MYH3: variants seen among roughly 807,000 people sequenced by gnomAD.
The protein encoded by MYH3 is myosin-3.
In MYH3, 130 loss-of-function variants were observed where a neutral mutation model predicts 238.0. The observed-to-expected ratio is 0.55, with a 90% CI of 0.47 to 0.63. The LOEUF (loss-of-function observed/expected upper bound fraction) is 0.63. MYH3 is among the 30% of genes least tolerant of loss of function. MYH3 has a pLI of 0.00. For missense variants in MYH3, 1,853 were observed against 2,374.9 expected (o/e 0.78, Z 4.57); for synonymous variants, 880 against 924.1 (o/e 0.95, Z 0.86).
chr17:10,628,908 C>G (rs924468110), intron 40 of MYH3, among the ~76,000 whole-genome samples: 2 of 152,202 alleles, frequency 1.3e-5, no homozygotes, highest in Non-Finnish European at 2.9e-5. Context: ...GACCTACTGT[C>G]GGATGCTGTG....
chr17:10,651,098 T>C (rs1003327292), intron 5 of MYH3, among the ~76,000 whole-genome samples: 4 of 147,862 alleles, frequency 2.7e-5, no homozygotes, highest in African/African-American at 1.0e-4. Flanking sequence ...GGCAGGAGAA[T>C]CGCTTGAACC....
chr17:10,632,500 G>C lies in MYH3; in HGVS notation c.4932C>G (p.Leu1644=). Reference sequence around the variant, plus strand: ...CCTTCAGCTGTCCCTGGACACTCCTGAGGTGTTTGAGGGTCTCCGCCGCCT... The same window carrying C: ...CCTTCAGCTGTCCCTGGACACTCCTCAGGTGTTTGAGGGTCTCCGCCGCCT... ...NRQAAETLKH[L]RSVQGQLKDT... Residue 1644 remains leucine, a synonymous_variant, in exon 34 of 41, where the codon CTC becomes CTG. Coordinates refer to ENST00000583535, the MANE Select transcript of MYH3 (RefSeq NM_002470.4). 6.2e-7 allele frequency: 1 copy of C among 1,613,976 alleles called. No homozygotes were observed. Among genetic ancestry groups the C allele is most frequent in the Non-Finnish European group, 8.5e-7 (1 of 1,180,036 alleles).
intron 28 of MYH3, 143 bp downstream of exon 28, chr17:10,637,666 T>C: frequency 8.7e-7 from 1 of 1,153,448 alleles, no homozygotes; most frequent in African/African-American, 1.5e-5. Flanking sequence ...GCTCTTTCTA[T>C]GAGTTATTTC....
intron 36 of MYH3, among the ~76,000 whole-genome samples, chr17:10,631,167 G>A (rs1431424250): frequency 6.6e-6 from 1 of 152,192 alleles, no homozygotes; most frequent in African/African-American, 2.4e-5. Flanking sequence ...TGAGATTAAG[G>A]GAAGGCCTCT....
At chr17:10,633,816 C>T in intron 32 of MYH3, 101 bp from the exon 33 acceptor site, 5 of 1,548,686 alleles carry the variant, frequency 3.2e-6, no homozygotes, top group Non-Finnish European at 4.4e-6. Flanking sequence ...TATTATAATC[C>T]TAAGGTTTCC....
the MYH3 span, among the ~76,000 whole-genome samples, chr17:10,671,108 G>A: frequency 6.6e-6 from 1 of 152,084 alleles, no homozygotes; most frequent in Non-Finnish European, 1.5e-5. Flanking sequence ...TGGCCAAACT[G>A]GTCTCGAACT....
chr17:10,672,498 G>C, the MYH3 span: 3 of 151,962 alleles, frequency 2.0e-5, no homozygotes, highest in African/African-American at 7.2e-5. Context: ...GGTTTATTGA[G>C]GTATGTATAT....
intron 1 of MYH3, among the ~76,000 whole-genome samples, 162 bp downstream of exon 1, chr17:10,657,127 C>T (rs576547667): frequency 3.7e-4 from 57 of 152,028 alleles, no homozygotes; most frequent in Non-Finnish European, 6.0e-4. Flanking sequence ...CAGGGAACCT[C>T]GCTCTCTACA....
chr17:10,658,126 G>GC (rs1205985908), upstream of MYH3, among the ~76,000 whole-genome samples: 3 of 152,142 alleles, frequency 2.0e-5, no homozygotes, highest in African/African-American at 7.2e-5. Context: ...AACGGTGGTG[G>GC]CCTGCAGAGA....
rs2074198456 is a variant in MYH3 at position 10,634,882 on chromosome 17, G to A, written c.4314C>T (p.Ser1438=). ...DLMVDVERAN[S]LAAALDKKQR... ...GCTTCTTGTCCAGAGCGGCGGCCAA[G>A]GAATTGGCTCTTTCAACATCAACCA... Residue 1438 remains serine (S), a synonymous_variant, in exon 31 of 41, where the codon TCC becomes TCT. Transcript: ENST00000583535. The A allele has an allele frequency of 1.2e-6, 2 of 1,614,102 alleles. No homozygotes were observed. Among genetic ancestry groups the A allele is most frequent in the Non-Finnish European group, 1.7e-6 (2 of 1,180,016 alleles).
At chr17:10,629,203 C>G (rs2074125504) in intron 40 of MYH3, among the ~76,000 whole-genome samples, 1 of 152,064 alleles carries the variant, frequency 6.6e-6, no homozygotes, top group African/African-American at 2.4e-5. Context: ...GGAAAGGCCC[C>G]GGTGTGTGAT....
intron 5 of MYH3, 50 bp downstream of exon 5, chr17:10,651,462 C>A (rs1180140572): frequency 6.2e-7 from 1 of 1,611,856 alleles, no homozygotes; most frequent in African/African-American, 1.3e-5. Flanking sequence ...TGCCGCTCGC[C>A]TCATGCAGTG....
Position 10,630,592 on chromosome 17 carries a change from G to A in MYH3, c.5287-134C>T, listed in dbSNP as rs915521707. 2.2e-5 allele frequency: 30 copies of A among 1,353,168 alleles called. No homozygotes were observed. In the Admixed American group the frequency reaches 2.9e-4, roughly 13 times the overall value. 83.8% of individuals were successfully genotyped at this position (1,353,168 alleles called of 1,614,324 possible). A position where few individuals can be genotyped will look rare whatever the true frequency, so the allele number is the denominator to read the frequency against. The stretch of plus-strand genomic sequence containing the variant: ...AGGCCAGGCGCGGTGGCTCACGTCT[G>A]TAATCCCAGCACTTTGGGAGGCCAA... On this transcript the variant is annotated intron_variant, in intron 36 of 40. Coordinates refer to ENST00000583535, the MANE Select transcript of MYH3 (RefSeq NM_002470.4).
chr17:10,652,607 GTCTTTTT>G, intron 3 of MYH3, 44 bp from the exon 4 acceptor site: 7 of 605,226 alleles, frequency 1.2e-5, no homozygotes, highest in South Asian at 1.7e-5. Flanking sequence ...TGGTCTGCAC[GTCTTTTT>G]TTTTTTTTTT....
Position 10,637,851 on chromosome 17 carries a change from T to C in MYH3, c.3814A>G (p.Ser1272Gly). ...GKNEEIQRSLSELTTQKSRLQ... is the reference protein window; with the variant it reads ...GKNEEIQRSLGELTTQKSRLQ... The stretch of plus-strand genomic sequence containing the variant: ...CGAGACTTCTGTGTGGTCAGCTCGC[T>C]CAGGCTCCTCTGAATTTCCTCATTC... The change falls in exon 28 of 41, where the codon AGC becomes GGC. Residue 1272 changes from serine to glycine, a missense_variant. Physicochemically the swap from Ser to Gly is moderately conservative, Grantham distance 56 (BLOSUM62 0). Coordinates refer to ENST00000583535, the MANE Select transcript of MYH3 (RefSeq NM_002470.4). The C allele has an allele frequency of 6.2e-7, 1 of 1,614,166 alleles. No individual in the cohort carries two copies. Among genetic ancestry groups the C allele is most frequent in the Non-Finnish European group, 8.5e-7 (1 of 1,180,034 alleles).
intron 38 of MYH3, 75 bp from the exon 39 acceptor site, chr17:10,630,012 C>A: frequency 6.2e-7 from 1 of 1,605,328 alleles, no homozygotes; most frequent in Non-Finnish European, 8.5e-7. Context: ...GCTTTCTGGG[C>A]CAAAGTGTTT....
chr17:10,671,274 A>G, the MYH3 span, among the ~76,000 whole-genome samples: 3 of 152,170 alleles, frequency 2.0e-5, no homozygotes, highest in African/African-American at 7.2e-5. Context: ...TATTACAAAA[A>G]TACTGCAGTG....
At chr17:10,646,884 C>CA (rs935134271) in intron 10 of MYH3, among the ~76,000 whole-genome samples, 13 of 152,076 alleles carry the variant, frequency 8.5e-5, no homozygotes, top group Admixed American at 7.9e-4. Flanking sequence ...CTCATCTCTA[C>CA]AAAAAACACA....
the MYH3 span, chr17:10,675,804 G>A: frequency 6.6e-6 from 1 of 152,086 alleles, no homozygotes; most frequent in African/African-American, 2.4e-5. Flanking sequence ...CCTGAATAAC[G>A]CCACCCTATG....
Sources: allele counts gnomAD v4.1 joint callset (sites outside exome capture counted in the v4.1 genomes callset), GRCh38; gene constraint gnomAD v4.1.1; transcripts MANE v1.5; gene names NCBI Gene and HGNC (gene_info 2026-07-23, HGNC 2026-07-21).